INPP5A: variants seen among roughly 807,000 people sequenced by gnomAD.
INPP5A encodes the protein inositol polyphosphate-5-phosphatase A.
In INPP5A, 14 loss-of-function variants were observed where a neutral mutation model predicts 65.2. The observed-to-expected ratio is 0.21, with a 90% CI of 0.14 to 0.34. The LOEUF (loss-of-function observed/expected upper bound fraction) is 0.34. Ranked by LOEUF, INPP5A falls within the 10% of genes least tolerant of loss-of-function variation. INPP5A has a pLI of 1.00. For missense variants in INPP5A, 431 were observed against 545.6 expected (o/e 0.79, Z 2.09); for synonymous variants, 207 against 208.3 (o/e 0.99, Z 0.05).
At chr10:132,569,793 C>T (rs552984717) in intron 1 of INPP5A, among the ~76,000 whole-genome samples, 73 of 150,542 alleles carry the variant, frequency 4.8e-4, no homozygotes, top group African/African-American at 1.4e-3. Context: ...TGTGAGCCAC[C>T]GCACTGGGCC....
chr10:132,718,934 C>A (rs533016030), intron 8 of INPP5A, among the ~76,000 whole-genome samples: 1 of 147,080 alleles, frequency 6.8e-6, no homozygotes, highest in Non-Finnish European at 1.5e-5. Flanking sequence ...TTCTGTGGTA[C>A]CTGGGTTCTG....
At chr10:132,768,094 G>A (rs1163029733) in intron 12 of INPP5A, among the ~76,000 whole-genome samples, 1 of 143,292 alleles carries the variant, frequency 7.0e-6, no homozygotes, top group Non-Finnish European at 1.5e-5. Context: ...AAGATCCATG[G>A]ACCCCAACCC....
At chr10:132,766,787 G>C (rs147696511) in intron 12 of INPP5A, among the ~76,000 whole-genome samples, 1 of 152,354 alleles carries the variant, frequency 6.6e-6, no homozygotes, top group South Asian at 2.1e-4. Flanking sequence ...GTTGGAAGCC[G>C]CAGGGGACTT....
chr10:132,729,046 G>T (rs1451142481), intron 9 of INPP5A, among the ~76,000 whole-genome samples: 1 of 151,670 alleles, frequency 6.6e-6, no homozygotes, highest in East Asian at 1.9e-4. Flanking sequence ...TCCAGGGCCT[G>T]TGGGGCTTGC....
chr10:132,646,810 A>G (rs189894549), intron 3 of INPP5A, among the ~76,000 whole-genome samples: 261 of 152,280 alleles, frequency 1.7e-3, no homozygotes, highest in Non-Finnish European at 3.2e-3. Context: ...CGCCGCTGCC[A>G]CACACTGTGG....
At chr10:132,751,134 A>T (rs143318356) in intron 11 of INPP5A, among the ~76,000 whole-genome samples, 1 of 151,694 alleles carries the variant, frequency 6.6e-6, no homozygotes, top group Non-Finnish European at 1.5e-5. Flanking sequence ...CGGCCCCCAG[A>T]CCCCACGCTC....
At chr10:132,593,280 G>C (rs12257020) in intron 1 of INPP5A, among the ~76,000 whole-genome samples, 2 of 152,170 alleles carry the variant, frequency 1.3e-5, no homozygotes, top group South Asian at 2.1e-4. Flanking sequence ...CACTGAGGAC[G>C]GGGATTACAC....
chr10:132,564,733 A>T (rs1387280077), intron 1 of INPP5A, among the ~76,000 whole-genome samples: 2 of 152,226 alleles, frequency 1.3e-5, no homozygotes, highest in Non-Finnish European at 2.9e-5. Flanking sequence ...AGGCCCTGCC[A>T]GTGGCCGCTG....
chr10:132,658,943 C>T (rs1445885249), intron 4 of INPP5A, among the ~76,000 whole-genome samples: 2 of 152,150 alleles, frequency 1.3e-5, no homozygotes, highest in African/African-American at 2.4e-5. Flanking sequence ...CCGCCAGCAT[C>T]TGCGCTTCCT....
At chr10:132,669,113 C>T (rs561232835) in intron 4 of INPP5A, among the ~76,000 whole-genome samples, 9 of 152,074 alleles carry the variant, frequency 5.9e-5, no homozygotes, top group African/African-American at 2.2e-4. Flanking sequence ...ATTAGCCAGG[C>T]GTGGTGGTGG....
chr10:132,702,994 C>T (rs1055906149), intron 6 of INPP5A, among the ~76,000 whole-genome samples: 2 of 151,380 alleles, frequency 1.3e-5, no homozygotes, highest in East Asian at 2.0e-4. Flanking sequence ...TGGTTAGGAG[C>T]GGCCTCCAGG....
intron 4 of INPP5A, among the ~76,000 whole-genome samples, chr10:132,679,661 G>T (rs1331430536): frequency 6.6e-6 from 1 of 152,240 alleles, no homozygotes; most frequent in South Asian, 2.1e-4. Flanking sequence ...AAATAATTCT[G>T]GATTATATTT....
Position 132,551,823 on chromosome 10 carries a change from C to T in INPP5A, c.75+13652C>T, listed in dbSNP as rs972588661. Among the ~76,000 whole-genome samples the T allele has an allele frequency of 2.6e-5, 4 of 152,168 alleles. No homozygotes were observed. Among genetic ancestry groups the T allele is most frequent in the South Asian group, 2.1e-4 (1 of 4,828 alleles). ...GACCAAGACTGTCAGAAGAGCCAGC[C>T]GGGGTCTTCTCTGAATAGTCGGCTG... On this transcript the variant is annotated intron_variant, in intron 1 of 15. Transcript: ENST00000368594. The surrounding 1 kb of genome is among the most constrained non-coding windows in gnomAD (Gnocchi z 5.3).
intron 4 of INPP5A, among the ~76,000 whole-genome samples, chr10:132,666,263 G>C (rs977482276): frequency 6.6e-6 from 1 of 152,152 alleles, no homozygotes; most frequent in Admixed American, 6.6e-5. Flanking sequence ...TAAACCGACA[G>C]AAAGGGAGAG....
At chr10:132,632,142 C>T (rs367552989) in intron 2 of INPP5A, among the ~76,000 whole-genome samples, 20 of 152,378 alleles carry the variant, frequency 1.3e-4, no homozygotes, top group African/African-American at 3.4e-4. Flanking sequence ...CTGACCCAAG[C>T]GTGCTGTCCG....
At chr10:132,760,367 C>T (rs1447583173) in intron 11 of INPP5A, among the ~76,000 whole-genome samples, 4 of 152,222 alleles carry the variant, frequency 2.6e-5, no homozygotes, top group African/African-American at 4.8e-5. Context: ...CTGCGAGGGG[C>T]GATGGTCCTT....
Position 132,777,545 on chromosome 10 carries a change from G to A in INPP5A, c.978-126G>A, listed in dbSNP as rs1200089675. 6.6e-6 allele frequency: 5 copies of A among 756,608 alleles called. No individual in the cohort carries two copies. In the African/African-American group the frequency reaches 8.8e-5, roughly 13 times the overall value. 46.9% of individuals were successfully genotyped at this position (756,608 alleles called of 1,614,324 possible). A position where few individuals can be genotyped will look rare whatever the true frequency, so the allele number is the denominator to read the frequency against. ...TTATATTCTAGAAACTTCCATGTGT[G>A]TATTCATTCCCCAGGTAGTGCTGGC... On this transcript the variant is annotated intron_variant, in intron 12 of 15. Transcript: ENST00000368594.
intron 4 of INPP5A, among the ~76,000 whole-genome samples, chr10:132,671,877 C>T (rs1302058453): frequency 6.6e-6 from 1 of 152,234 alleles, no homozygotes; most frequent in Non-Finnish European, 1.5e-5. Context: ...AGAGCCTGTA[C>T]TCTCAACCAG....
chr10:132,553,400 G>GAT (rs2071079958), intron 1 of INPP5A, among the ~76,000 whole-genome samples: 2 of 141,172 alleles, frequency 1.4e-5, no homozygotes, highest in African/African-American at 5.3e-5. Flanking sequence ...TCAGAGCCTT[G>GAT]GTGGAATATT....
Sources: allele counts gnomAD v4.1 joint callset (sites outside exome capture counted in the v4.1 genomes callset), GRCh38; gene constraint gnomAD v4.1.1; non-coding constraint Gnocchi (gnomAD v3.1); transcripts MANE v1.5; gene names NCBI Gene and HGNC (gene_info 2026-07-23, HGNC 2026-07-21).